Variants in PLXDC2 observed in about 807,000 individuals in gnomAD.
PLXDC2 encodes plexin domain-containing protein 2.
Under a neutral mutation model 68.9 loss-of-function variants are expected in PLXDC2, and 40 were observed. The ratio of observed to expected loss-of-function variants is 0.58; its 90% CI spans 0.45 to 0.76. The LOEUF is 0.76. Among genes scored for constraint, PLXDC2 ranks in the 30% least tolerant of loss-of-function variants. The pLI, the probability that PLXDC2 is intolerant of heterozygous loss-of-function variation, is 0.00. For synonymous variants in PLXDC2, 243 were observed against 234.2 expected, an observed-to-expected ratio of 1.04 and a Z score of -0.34; for missense variants, 644 against 661.9, an observed-to-expected ratio of 0.97 and a Z score of 0.30.
intron 1 of PLXDC2, among the ~76,000 whole-genome samples, chr10:19,837,403 AGAGAGAGTGTGTGTGTGTGTGT>A (rs1323818563): frequency 7.7e-4 from 47 of 60,646 alleles, no homozygotes; most frequent in African/African-American, 2.2e-3. Context: ...AGAGAGAGAG[AGAGAGAGTGTGTGTGTGTGTGT>A]GTGTGTGTGT....
intron 3 of PLXDC2, among the ~76,000 whole-genome samples, chr10:20,050,313 A>G (rs1835874518): frequency 6.6e-6 from 1 of 152,152 alleles, no homozygotes. Context: ...CAAAGATTTT[A>G]TGACAAAGAC....
At chr10:20,126,204 C>T (rs1833773733) in intron 4 of PLXDC2, among the ~76,000 whole-genome samples, 1 of 144,446 alleles carries the variant, frequency 6.9e-6, no homozygotes, top group Non-Finnish European at 1.5e-5. Context: ...TATGTATACA[C>T]ACACATATAT....
In PLXDC2 at chr10:20,282,021, TTTGATTCAAAACAA is replaced by T. The variant is rs1289957021; in HGVS notation, c.*2219_*2232del. ...ATTCTTATACCCTTCAGCGTTCTATTTTGATTCAAAACAATTGATTCAAAACAATTTTGAATCAA... is the reference window on the plus strand; with the variant it reads ...ATTCTTATACCCTTCAGCGTTCTATTTTGATTCAAAACAATTTTGAATCAA... On this transcript the variant is annotated 3_prime_UTR_variant, in exon 14 of 14. Coordinates refer to ENST00000377252, the MANE Select transcript of PLXDC2 (RefSeq NM_032812.9). 4 of 152,296 alleles carry T rather than the reference TTTGATTCAAAACAA, an allele frequency of 2.6e-5. No individual in the cohort carries two copies. Among genetic ancestry groups the T allele is most frequent in the Admixed American group, 1.3e-4 (2 of 15,290 alleles). The allele number at this position is 152,296 out of a possible 1,614,324, so 9.4% of individuals were successfully genotyped here. A position where few individuals can be genotyped will look rare whatever the true frequency, so the allele number is the denominator to read the frequency against.
intron 1 of PLXDC2, among the ~76,000 whole-genome samples, chr10:19,877,645 C>A (rs1180950173): frequency 6.6e-6 from 1 of 152,240 alleles, no homozygotes. Flanking sequence ...CCTAGTGGAT[C>A]GATGAAGTAG....
chr10:19,966,725 A>G (rs1834269507), intron 1 of PLXDC2, among the ~76,000 whole-genome samples: 2 of 152,030 alleles, frequency 1.3e-5, no homozygotes, highest in African/African-American at 4.8e-5. Flanking sequence ...GTCCCACCAC[A>G]CTAGGCCTGA....
chr10:19,894,826 G>C (rs980673891), intron 1 of PLXDC2, among the ~76,000 whole-genome samples: 1 of 152,202 alleles, frequency 6.6e-6, no homozygotes, highest in South Asian at 2.1e-4. Flanking sequence ...TACACTGTTG[G>C]TGGGAGTGTA....
chr10:20,191,285 C>A (rs377219350), intron 9 of PLXDC2, among the ~76,000 whole-genome samples: 12 of 151,666 alleles, frequency 7.9e-5, no homozygotes, highest in African/African-American at 2.4e-4. Context: ...ATTTTTTTCT[C>A]CTTCCTAGAA....
At chr10:19,887,859 A>T (rs1184939447) in intron 1 of PLXDC2, among the ~76,000 whole-genome samples, 7 of 152,248 alleles carry the variant, frequency 4.6e-5, no homozygotes, top group African/African-American at 1.7e-4. Flanking sequence ...AGCTTTTTAT[A>T]ATTACATAGA....
intron 6 of PLXDC2, among the ~76,000 whole-genome samples, chr10:20,155,674 A>G (rs7917594): frequency 0.29 from 44,372 of 152,018 alleles, 7,109 homozygotes; most frequent in East Asian, 0.52. Flanking sequence ...TTGTATTTGT[A>G]GAGATATTTT....
chr10:19,970,418 T>A (rs1834330773), intron 1 of PLXDC2, among the ~76,000 whole-genome samples: 1 of 152,172 alleles, frequency 6.6e-6, no homozygotes, highest in Admixed American at 6.5e-5. Flanking sequence ...GGAAATGGAA[T>A]CAAGCAATAG....
chr10:20,037,347 C>T, intron 2 of PLXDC2, among the ~76,000 whole-genome samples: 1 of 146,214 alleles, frequency 6.8e-6, no homozygotes, highest in East Asian at 2.0e-4. Context: ...CTGGCATCTT[C>T]TTTTTTTTTT....
chr10:19,937,822 G>A (rs1833752609), intron 1 of PLXDC2, among the ~76,000 whole-genome samples: 1 of 151,982 alleles, frequency 6.6e-6, no homozygotes, highest in African/African-American at 2.4e-5. Context: ...GGACATATGA[G>A]AAAGAGGCAG....
intron 1 of PLXDC2, among the ~76,000 whole-genome samples, chr10:19,874,131 TG>T (rs1837592524): frequency 6.6e-6 from 1 of 152,178 alleles, no homozygotes; most frequent in Admixed American, 6.5e-5. Context: ...ACGATCACAG[TG>T]GATTGTCTCT....
chr10:19,875,966 A>G (rs992244229), intron 1 of PLXDC2, among the ~76,000 whole-genome samples: 1 of 151,872 alleles, frequency 6.6e-6, no homozygotes, highest in Admixed American at 6.6e-5. Flanking sequence ...TTTTTGTAAC[A>G]TTTTTCTTGA....
chr10:20,235,734 T>G (rs1835423825), intron 12 of PLXDC2, among the ~76,000 whole-genome samples: 1 of 152,208 alleles, frequency 6.6e-6, no homozygotes, highest in Admixed American at 6.5e-5. Flanking sequence ...TTTTCTTCCA[T>G]GTTCAGAAAA....
At chr10:19,959,555 G>A (rs1165346987) in intron 1 of PLXDC2, among the ~76,000 whole-genome samples, 1 of 152,142 alleles carries the variant, frequency 6.6e-6, no homozygotes, top group African/African-American at 2.4e-5. Flanking sequence ...CTTAATTTAA[G>A]AATCCTGAAA....
intron 2 of PLXDC2, among the ~76,000 whole-genome samples, chr10:20,017,561 A>G (rs975797360): frequency 1.6e-4 from 24 of 152,280 alleles, no homozygotes; most frequent in African/African-American, 5.3e-4. Context: ...ATTAACCACT[A>G]TTTTGGATCG....
intron 13 of PLXDC2, among the ~76,000 whole-genome samples, chr10:20,276,284 A>T (rs1836006155): frequency 1.3e-5 from 2 of 152,274 alleles, no homozygotes; most frequent in South Asian, 4.1e-4. Context: ...ACTGGAAGAA[A>T]GGTCTCCAGC....
chr10:20,089,083 C>T (rs1331774759), intron 4 of PLXDC2, among the ~76,000 whole-genome samples: 1 of 151,354 alleles, frequency 6.6e-6, no homozygotes, highest in Non-Finnish European at 1.5e-5. Flanking sequence ...CATGGATCTT[C>T]AGAACTACTT....
Sources: gnomAD v4.1 joint callset for allele counts (sites outside exome capture counted in the v4.1 genomes callset) on GRCh38, gnomAD v4.1.1 for gene constraint, MANE v1.5 for transcripts, NCBI Gene and HGNC (gene_info 2026-07-23, HGNC 2026-07-21) for gene names.